The following PTPRD variants were observed in gnomAD, a reference collection of about 807,000 sequenced individuals.
PTPRD encodes protein tyrosine phosphatase receptor type D, also known as receptor-type tyrosine-protein phosphatase delta.
A neutral mutation model predicts 214.5 loss-of-function variants in PTPRD; 34 were observed. The ratio of observed to expected loss-of-function variants is 0.16; its 90% CI spans 0.12 to 0.21. The LOEUF is 0.21. Among genes scored for constraint, PTPRD ranks in the 10% least tolerant of loss-of-function variants. The pLI is 1.00. For synonymous variants in PTPRD, 1,128 were observed against 845.7 expected (o/e 1.33, Z -5.79); for missense variants, 2,545 against 2,398.7 (o/e 1.06, Z -1.27).
chr9:10,406,755 A>T (rs1359101), intron 2 of PTPRD, among the ~76,000 whole-genome samples: 1 of 151,322 alleles, frequency 6.6e-6, no homozygotes, highest in Non-Finnish European at 1.5e-5. Context: ...TGAGAGCCAG[A>T]TTTCACATGT....
At chr9:9,894,146 C>CCT (rs2074257590) in intron 5 of PTPRD, among the ~76,000 whole-genome samples, 1 of 152,008 alleles carries the variant, frequency 6.6e-6, no homozygotes, top group Non-Finnish European at 1.5e-5. Context: ...CACATGAACA[C>CCT]CTCTATATCT....
chr9:10,185,718 A>AT (rs535958537), intron 3 of PTPRD, among the ~76,000 whole-genome samples: 11 of 152,262 alleles, frequency 7.2e-5, no homozygotes, highest in African/African-American at 2.6e-4. Context: ...ATGTGTTAAC[A>AT]TACATTCACT....
chr9:10,532,130 G>C (rs1590195988), intron 2 of PTPRD: 1 of 152,044 alleles, frequency 6.6e-6, no homozygotes, highest in Admixed American at 6.6e-5. Flanking sequence ...TTATATATAA[G>C]ATTTTAGATT....
Position 9,431,504 on chromosome 9 carries a change from C to T in PTPRD, c.-236-34022G>A, listed in dbSNP as rs778476368. On this transcript the variant is annotated intron_variant, in intron 8 of 45. Coordinates refer to ENST00000381196, the MANE Select transcript of PTPRD (RefSeq NM_002839.4). Reference sequence around the variant, plus strand: ...TGTGGAAGACAGTGTGGCAATTCCTCGAGGATCTACAACTAGAAATACCAT... The same window carrying T: ...TGTGGAAGACAGTGTGGCAATTCCTTGAGGATCTACAACTAGAAATACCAT... Among the ~76,000 whole-genome samples the T allele has an allele frequency of 3.4e-4, 51 of 152,192 alleles. 1 individual carries two copies. Among genetic ancestry groups the T allele is most frequent in the African/African-American group, 1.2e-3 (50 of 41,530 alleles).
intron 5 of PTPRD, among the ~76,000 whole-genome samples, chr9:9,806,168 G>T (rs796953777): frequency 6.6e-6 from 1 of 152,038 alleles, no homozygotes; most frequent in Non-Finnish European, 1.5e-5. Context: ...CATGAGCAAG[G>T]CAAGAGAGCT....
intron 9 of PTPRD, among the ~76,000 whole-genome samples, chr9:9,248,027 G>C (rs1390504068): frequency 1.3e-5 from 2 of 151,996 alleles, no homozygotes; most frequent in Admixed American, 1.3e-4. Context: ...GTACACTGTA[G>C]GTATTGAGTA....
intron 4 of PTPRD, among the ~76,000 whole-genome samples, chr9:10,027,009 C>T (rs1218747726): frequency 1.3e-5 from 2 of 152,030 alleles, no homozygotes; most frequent in East Asian, 3.9e-4. Context: ...AATGTATTGT[C>T]TGCAATAATA....
chr9:8,771,708 A>G (rs1453743970), intron 11 of PTPRD, among the ~76,000 whole-genome samples: 1 of 152,230 alleles, frequency 6.6e-6, no homozygotes, highest in Non-Finnish European at 1.5e-5. Context: ...TAATTATAAG[A>G]GAACACTGTT....
At chr9:9,229,316 A>G (rs1324297313) in intron 9 of PTPRD, among the ~76,000 whole-genome samples, 1 of 152,150 alleles carries the variant, frequency 6.6e-6, no homozygotes, top group East Asian at 1.9e-4. Flanking sequence ...TTAAGTAAAA[A>G]AAAATTATTG....
intron 5 of PTPRD, among the ~76,000 whole-genome samples, chr9:9,932,057 C>T (rs1275074948): frequency 6.6e-6 from 1 of 150,770 alleles, no homozygotes; most frequent in Non-Finnish European, 1.5e-5. Flanking sequence ...AAAGGACATC[C>T]ACACCAAAAA....
chr9:8,660,789 C>G (rs1388771036), intron 12 of PTPRD, among the ~76,000 whole-genome samples: 1 of 152,136 alleles, frequency 6.6e-6, no homozygotes, highest in Admixed American at 6.6e-5. Context: ...TCTTGACTTT[C>G]CACTTACTCT....
intron 4 of PTPRD, among the ~76,000 whole-genome samples, chr9:9,998,129 A>AAAATATATATATATATATATATAT (rs57991748): frequency 2.2e-5 from 2 of 91,458 alleles, no homozygotes; most frequent in African/African-American, 1.2e-4. Context: ...AAAAAAAAAA[A>AAAATATATATATATATATATATAT]ATATATATAT....
chr9:10,223,693 A>AT (rs1422146972), intron 3 of PTPRD, among the ~76,000 whole-genome samples: 35 of 116,140 alleles, frequency 3.0e-4, no homozygotes, highest in African/African-American at 8.5e-4. Context: ...AATAATAATA[A>AT]TAATAATAAT....
At chr9:8,666,430 A>C (rs1017132010) in intron 12 of PTPRD, among the ~76,000 whole-genome samples, 1 of 152,232 alleles carries the variant, frequency 6.6e-6, no homozygotes, top group African/African-American at 2.4e-5. Flanking sequence ...AGGGAAAAAA[A>C]GAGAAGATAG....
intron 11 of PTPRD, among the ~76,000 whole-genome samples, chr9:8,943,233 A>G (rs898129584): frequency 2.0e-5 from 3 of 152,120 alleles, no homozygotes; most frequent in Non-Finnish European, 4.4e-5. Flanking sequence ...TTCAATCTCT[A>G]TCAAAATACC....
intron 4 of PTPRD, among the ~76,000 whole-genome samples, chr9:9,996,670 AC>A (rs1383279515): frequency 6.6e-6 from 1 of 152,270 alleles, no homozygotes; most frequent in South Asian, 2.1e-4. Context: ...AGGTTGGGAG[AC>A]CTATTAATTC....
chr9:8,332,104 CATATAAAATGGA>C (rs1297785081), intron 43 of PTPRD, among the ~76,000 whole-genome samples: 2 of 108,626 alleles, frequency 1.8e-5, no homozygotes, highest in African/African-American at 1.2e-4. Flanking sequence ...CAAAATGGAA[CATATAAAATGGA>C]ACATATATAT....
At chr9:8,630,551 G>A (rs1042025482) in intron 14 of PTPRD, among the ~76,000 whole-genome samples, 3 of 151,646 alleles carry the variant, frequency 2.0e-5, no homozygotes, top group African/African-American at 7.3e-5. Flanking sequence ...CTACCTTTCT[G>A]TCATCTAAAA....
At chr9:9,503,830 G>C (rs972241429) in intron 8 of PTPRD, among the ~76,000 whole-genome samples, 7 of 151,554 alleles carry the variant, frequency 4.6e-5, no homozygotes, top group African/African-American at 1.7e-4. Flanking sequence ...ACAGAAGACT[G>C]CAAAAACCAT....
Sources: gnomAD v4.1 joint callset for allele counts (sites outside exome capture counted in the v4.1 genomes callset) on GRCh38, gnomAD v4.1.1 for gene constraint, MANE v1.5 for transcripts, NCBI Gene and HGNC (gene_info 2026-07-23, HGNC 2026-07-21) for gene names.